Variants in IQSEC1 observed in about 807,000 individuals in gnomAD.
The protein encoded by IQSEC1 is IQ motif and Sec7 domain ArfGEF 1, also known as IQ motif and SEC7 domain-containing protein 1.
IQSEC1 carries 31 observed loss-of-function variants against 91.0 expected under a neutral mutation model. The observed-to-expected ratio is 0.34, with a 90% CI of 0.26 to 0.46. The LOEUF (loss-of-function observed/expected upper bound fraction) is 0.46, where lower values mean the gene tolerates loss of function less well. Ranked by LOEUF, IQSEC1 falls within the 20% of genes least tolerant of loss-of-function variation. IQSEC1 has a pLI of 1.00. For synonymous variants in IQSEC1, 699 were observed against 662.6 expected (o/e 1.05, Z -0.84); for missense variants, 1,388 against 1,575.6 (o/e 0.88, Z 2.02).
chr3:12,926,704 G>GA (rs954130213), intron 3 of IQSEC1, among the ~76,000 whole-genome samples: 31 of 152,348 alleles, frequency 2.0e-4, no homozygotes, highest in Middle Eastern at 6.8e-3. Flanking sequence ...GGGTGGGGGG[G>GA]ATGGAGATGA....
intron 1 of IQSEC1, among the ~76,000 whole-genome samples, chr3:13,045,340 G>C (rs1360158231): frequency 6.6e-6 from 1 of 152,138 alleles, no homozygotes; most frequent in Non-Finnish European, 1.5e-5. Context: ...CTGTGCTCCT[G>C]CCTGCCACAG....
At chr3:13,141,187 G>C (rs1706794520) in intron 2 of IQSEC1, among the ~76,000 whole-genome samples, 1 of 152,220 alleles carries the variant, frequency 6.6e-6, no homozygotes, top group African/African-American at 2.4e-5. Context: ...GGAGTGAGTG[G>C]ACTTGGGGAG....
Position 13,232,512 on chromosome 3 carries a change from C to A in IQSEC1, c.272+50199G>T, listed in dbSNP as rs369904429. 2.6e-4 allele frequency among the ~76,000 whole-genome samples: 39 copies of A among 152,192 alleles called. No homozygotes were observed. In the East Asian group the frequency reaches 7.5e-3, roughly 29 times the overall value. ...AGGGAGGTGGCAGGGAGAAGAAAGGCGGGGAGGCCTCTCACGGGGTGGTGA... is the reference window on the plus strand; with the variant it reads ...AGGGAGGTGGCAGGGAGAAGAAAGGAGGGGAGGCCTCTCACGGGGTGGTGA... On this transcript the variant is annotated intron_variant, in intron 1 of 15. Transcript: ENST00000648114.
chr3:12,974,559 C>T (rs1317502881), intron 1 of IQSEC1, among the ~76,000 whole-genome samples: 2 of 152,234 alleles, frequency 1.3e-5, no homozygotes, highest in African/African-American at 2.4e-5. Context: ...TTATGGGTCT[C>T]TATTCAAGTG....
chr3:12,985,251 C>A (rs1701671377), intron 1 of IQSEC1, among the ~76,000 whole-genome samples: 1 of 152,196 alleles, frequency 6.6e-6, no homozygotes, highest in Non-Finnish European at 1.5e-5. Context: ...ACACCCTCAG[C>A]CCTCTCACTG....
At chr3:13,094,314 G>A (rs1318732482) in intron 2 of IQSEC1, among the ~76,000 whole-genome samples, 2 of 152,114 alleles carry the variant, frequency 1.3e-5, no homozygotes, top group Non-Finnish European at 2.9e-5. Context: ...TGAGTGATCA[G>A]GCATTCCAGA....
intron 1 of IQSEC1, chr3:13,047,579 C>T (rs1158081059): frequency 2.2e-6 from 2 of 916,038 alleles, no homozygotes; most frequent in African/African-American, 3.6e-5. Flanking sequence ...CAGCAAACCC[C>T]TTGGGGGCCA....
At chr3:13,170,097 C>A (rs1258509147) in intron 1 of IQSEC1, among the ~76,000 whole-genome samples, 3 of 152,222 alleles carry the variant, frequency 2.0e-5, no homozygotes, top group African/African-American at 7.2e-5. Flanking sequence ...GTTTTGTGGG[C>A]CAGGCCCAGG....
intron 2 of IQSEC1, among the ~76,000 whole-genome samples, chr3:13,137,187 G>A (rs146270242): frequency 1.2e-4 from 19 of 152,264 alleles, no homozygotes; most frequent in African/African-American, 4.1e-4. Flanking sequence ...TCACATACCT[G>A]TAATCCGGCA....
chr3:13,012,176 C>T (rs1559718214), intron 1 of IQSEC1, among the ~76,000 whole-genome samples: 1 of 152,330 alleles, frequency 6.6e-6, no homozygotes, highest in East Asian at 1.9e-4. Flanking sequence ...TGCCTGCACC[C>T]CCGGCATGGC....
At chr3:13,076,673 T>A (rs532495427), upstream of IQSEC1, among the ~76,000 whole-genome samples, 42 of 152,124 alleles carry the variant, frequency 2.8e-4, no homozygotes, top group African/African-American at 9.6e-4. Flanking sequence ...GTTCCAACTG[T>A]GGAACTGCAA....
At chr3:12,987,143 G>A (rs148130035) in intron 1 of IQSEC1, 15 of 240,292 alleles carry the variant, frequency 6.2e-5, no homozygotes, top group East Asian at 3.3e-4. Flanking sequence ...GCCAGCTCCC[G>A]AGTCAGCGCC....
chr3:13,012,743 C>T (rs1702940214), intron 1 of IQSEC1, among the ~76,000 whole-genome samples: 1 of 152,190 alleles, frequency 6.6e-6, no homozygotes, highest in Non-Finnish European at 1.5e-5. Context: ...TATATGAACA[C>T]TGCGATTCCG....
chr3:13,227,827 G>T (rs1694783560), intron 1 of IQSEC1, among the ~76,000 whole-genome samples: 1 of 152,228 alleles, frequency 6.6e-6, no homozygotes, highest in African/African-American at 2.4e-5. Flanking sequence ...GTCCACACGT[G>T]AGGAACAGAG....
At chr3:13,240,001 C>T (rs976211126) in intron 1 of IQSEC1, among the ~76,000 whole-genome samples, 4 of 152,048 alleles carry the variant, frequency 2.6e-5, no homozygotes, top group African/African-American at 9.7e-5. Context: ...TTTGCGCGCA[C>T]TGGAAAACTG....
chr3:13,153,063 A>G (rs1279805822), intron 2 of IQSEC1, among the ~76,000 whole-genome samples: 1 of 109,872 alleles, frequency 9.1e-6, no homozygotes, highest in African/African-American at 3.7e-5. Context: ...CCCCTCCCCT[A>G]TCTACTCCTT....
chr3:12,899,616 C>G lies in IQSEC1; in HGVS notation c.*1367G>C, dbSNP rs527573592. The G allele has an allele frequency of 2.2e-4, 215 of 985,450 alleles. No homozygotes were observed. In the African/African-American group the frequency reaches 3.5e-3, roughly 16 times the overall value. 61.0% of individuals were successfully genotyped at this position (985,450 alleles called of 1,614,324 possible). On this transcript the variant is annotated 3_prime_UTR_variant, in exon 14 of 14. Coordinates refer to ENST00000613206, the MANE Select transcript of IQSEC1 (RefSeq NM_001134382.3). ...GGGGGCTCCGCCGGGCACTCGTCGG[C>G]TGGGGTCACACGGGCCACGGTGAGG...
intron 1 of IQSEC1, among the ~76,000 whole-genome samples, chr3:12,998,655 G>T (rs1247757651): frequency 2.6e-5 from 4 of 151,462 alleles, no homozygotes; most frequent in Non-Finnish European, 5.9e-5. Context: ...TAAAAATCTG[G>T]AATTAAAAAA....
chr3:12,933,610 C>CCACTGTG lies in IQSEC1; in HGVS notation c.1568+1831_1568+1837dup, dbSNP rs1387483213. ...GGCATCAGCCATTTCACAGATGCGG[C>CCACTGTG]CACTGTGGGACGGGGGGTTATGCTG... is the stretch of plus-strand genomic sequence containing the variant. On this transcript the variant is annotated intron_variant, in intron 3 of 13. Coordinates refer to ENST00000613206, the MANE Select transcript of IQSEC1 (RefSeq NM_001134382.3). Among the ~76,000 whole-genome samples the CCACTGTG allele has an allele frequency of 6.6e-5, 10 of 150,638 alleles. No homozygotes were observed. In the South Asian group the frequency reaches 2.2e-3, roughly 33 times the overall value.
Sources: gnomAD v4.1 joint callset for allele counts (sites outside exome capture counted in the v4.1 genomes callset) on GRCh38, gnomAD v4.1.1 for gene constraint, MANE v1.5 for transcripts, NCBI Gene and HGNC (gene_info 2026-07-23, HGNC 2026-07-21) for gene names.